Variants in SDCBP observed in about 807,000 individuals in gnomAD.
The protein encoded by SDCBP is syntenin-1.
Under a neutral mutation model 30.5 loss-of-function variants are expected in SDCBP, and 22 were observed. The observed-to-expected ratio is 0.72, with a 90% CI of 0.52 to 1.03. SDCBP has a LOEUF of 1.03. SDCBP is among the 50% of genes least tolerant of loss of function. The probability of loss-of-function intolerance (pLI) is 0.00; values close to 1 mark genes in which losing one functional copy is unlikely to be tolerated. For synonymous variants in SDCBP, 103 were observed against 118.7 expected, an observed-to-expected ratio of 0.87 and a Z score of 0.86; for missense variants, 304 against 369.9, an observed-to-expected ratio of 0.82 and a Z score of 1.46.
rs1805070717 is a variant in SDCBP, at chr8:58,572,284, G to T, written c.210G>T (p.Val70=). The part of the protein sequence containing the change: ...SLNEEEIRAN[V]AVVSGAPLQG... Reference sequence around the variant, plus strand: ...ATGAAGAAGAAATACGTGCAAATGTGGCCGTGGTTTCTGGTGCACCACTTC... The same window carrying T: ...ATGAAGAAGAAATACGTGCAAATGTTGCCGTGGTTTCTGGTGCACCACTTC... The change falls in exon 4 of 9, where the codon GTG becomes GTT. Residue 70 remains valine (V), a synonymous_variant. Coordinates refer to ENST00000260130, the MANE Select transcript of SDCBP (RefSeq NM_005625.4). The T allele has an allele frequency of 6.2e-7, 1 of 1,612,178 alleles. No homozygotes were observed. The highest frequency in any genetic ancestry group is 1.3e-5 in the African/African-American group (1 of 74,876).
intron 1 of SDCBP, among the ~76,000 whole-genome samples, chr8:58,554,963 A>C (rs2129607081): frequency 6.6e-6 from 1 of 152,310 alleles, no homozygotes; most frequent in South Asian, 2.1e-4. Context: ...CAGGCAGGCA[A>C]CTTTTTTACA....
intron 1 of SDCBP, among the ~76,000 whole-genome samples, 185 bp from the exon 2 acceptor site, chr8:58,564,834 G>A (rs1183005784): frequency 2.0e-5 from 3 of 152,094 alleles, no homozygotes; most frequent in Non-Finnish European, 4.4e-5. Flanking sequence ...AGGTAGTTTG[G>A]TAATTCTTAA....
intron 5 of SDCBP, chr8:58,576,387 C>A (rs1246146248): frequency 1.2e-5 from 2 of 163,006 alleles, no homozygotes; most frequent in Admixed American, 6.2e-5. Flanking sequence ...TAAGAAAAAA[C>A]TTTCCAATGA....
intron 1 of SDCBP, among the ~76,000 whole-genome samples, chr8:58,563,554 G>A (rs1205449428): frequency 6.6e-6 from 1 of 150,902 alleles, no homozygotes. Flanking sequence ...CTGAATTTTA[G>A]AGTGTGTGAA....
At chr8:58,575,563 C>T (rs75576222) in intron 4 of SDCBP, among the ~76,000 whole-genome samples, 138 of 152,214 alleles carry the variant, frequency 9.1e-4, no homozygotes, top group African/African-American at 3.0e-3. Flanking sequence ...CATCATGAAC[C>T]GTCTGGAAAA....
At chr8:58,567,746 T>G (rs112971054) in intron 2 of SDCBP, among the ~76,000 whole-genome samples, 2,290 of 152,330 alleles carry the variant, frequency 0.015, 65 homozygotes, top group African/African-American at 0.052. Flanking sequence ...TATAGTCTGT[T>G]GTTCCTATGC....
chr8:58,573,331 T>C (rs1479782032), intron 4 of SDCBP, among the ~76,000 whole-genome samples: 1 of 152,188 alleles, frequency 6.6e-6, no homozygotes, highest in Non-Finnish European at 1.5e-5. Flanking sequence ...TTACCAAATA[T>C]TTATTGAAAA....
intron 1 of SDCBP, among the ~76,000 whole-genome samples, chr8:58,553,530 A>G (rs1425375548): frequency 6.9e-6 from 1 of 144,298 alleles, no homozygotes. Context: ...TCCTGCCGCG[A>G]CCCCGCGCGT....
chr8:58,580,385 TG>T, intron 7 of SDCBP, 131 bp from the exon 8 acceptor site: 1 of 592,206 alleles, frequency 1.7e-6, no homozygotes, highest in Non-Finnish European at 3.0e-6. Flanking sequence ...CAATTAAACT[TG>T]GTAAGAAATA....
At chr8:58,555,458 ACAGT>A (rs1315976628) in intron 1 of SDCBP, among the ~76,000 whole-genome samples, 1 of 152,214 alleles carries the variant, frequency 6.6e-6, no homozygotes, top group Non-Finnish European at 1.5e-5. Context: ...TTATTCTATT[ACAGT>A]GGACTTCATA....
At chr8:58,576,808 A>C (rs1805359310) in intron 5 of SDCBP, among the ~76,000 whole-genome samples, 1 of 152,174 alleles carries the variant, frequency 6.6e-6, no homozygotes, top group Admixed American at 6.5e-5. Context: ...TTTCAGTCAT[A>C]CATCTCTAGC....
At chr8:58,571,115 T>A in intron 3 of SDCBP, 150 bp downstream of exon 3, 1 of 554,802 alleles carries the variant, frequency 1.8e-6, no homozygotes, top group East Asian at 2.8e-5. Flanking sequence ...AAAAGTTTAC[T>A]TCAAAAAATA....
intron 2 of SDCBP, among the ~76,000 whole-genome samples, chr8:58,566,147 A>G (rs1304785055): frequency 1.6e-4 from 24 of 152,042 alleles, no homozygotes; most frequent in Admixed American, 1.4e-3. Context: ...TTTTGTCAGT[A>G]TTTTCTTCAT....
intron 5 of SDCBP, 167 bp downstream of exon 5, chr8:58,576,228 T>G (rs1184793129): frequency 1.7e-6 from 1 of 598,160 alleles, no homozygotes; most frequent in African/African-American, 1.9e-5. Context: ...ATGTTCTATT[T>G]TGCAGAGGCA....
intron 1 of SDCBP, among the ~76,000 whole-genome samples, chr8:58,563,556 G>C (rs1324074504): frequency 1.3e-5 from 2 of 150,668 alleles, no homozygotes; most frequent in African/African-American, 5.0e-5. Flanking sequence ...GAATTTTAGA[G>C]TGTGTGAATT....
intron 6 of SDCBP, among the ~76,000 whole-genome samples, chr8:58,578,915 G>A (rs1288592354): frequency 1.3e-5 from 2 of 152,180 alleles, no homozygotes; most frequent in African/African-American, 4.8e-5. Context: ...GTTTCAAAGA[G>A]TAAGTTGTAC....
At chr8:58,570,752 T>C in intron 2 of SDCBP, 135 bp from the exon 3 acceptor site, 1 of 622,448 alleles carries the variant, frequency 1.6e-6, no homozygotes, top group Non-Finnish European at 2.8e-6. Context: ...GCTGATGTGT[T>C]TGAAATTAAA....
intron 4 of SDCBP, among the ~76,000 whole-genome samples, chr8:58,573,681 C>A (rs146213709): frequency 2.6e-5 from 4 of 152,274 alleles, no homozygotes; most frequent in East Asian, 1.9e-4. Flanking sequence ...ACAGTACTGA[C>A]AGGAGCAGGA....
intron 1 of SDCBP, among the ~76,000 whole-genome samples, chr8:58,558,250 A>G (rs376568413): frequency 2.1e-4 from 32 of 152,314 alleles, no homozygotes; most frequent in African/African-American, 7.7e-4. Context: ...GACATTTGTC[A>G]AAATACTAAC....
Sources: allele counts gnomAD v4.1 joint callset (sites outside exome capture counted in the v4.1 genomes callset), GRCh38; gene constraint gnomAD v4.1.1; transcripts MANE v1.5; gene names NCBI Gene and HGNC (gene_info 2026-07-23, HGNC 2026-07-21).